The following KCNQ1OT1 variants were observed in gnomAD, a reference collection of about 807,000 sequenced individuals.
The protein encoded by KCNQ1OT1 is KCNQ1 antisense RNA 2 (non-protein coding).
Position 2,626,981 on chromosome 11 carries a change from G to T in KCNQ1OT1, n.73014C>A. 1 of 398,452 alleles carries T rather than the reference G, an allele frequency of 2.5e-6. No individual in the cohort carries two copies. Among genetic ancestry groups the T allele is most frequent in the South Asian group, 1.3e-4 (1 of 7,840 alleles). 24.7% of individuals were successfully genotyped at this position (398,452 alleles called of 1,614,324 possible). A position where few individuals can be genotyped will look rare whatever the true frequency, so the allele number is the denominator to read the frequency against. Reference sequence around the variant, plus strand: ...AATAACATCATTAGGATTTTTATTGGGATTACCTTGGATTTGTAGATTGTT... The same window carrying T: ...AATAACATCATTAGGATTTTTATTGTGATTACCTTGGATTTGTAGATTGTT... On this transcript the variant is annotated non_coding_transcript_exon_variant, in exon 1 of 1. Transcript: ENST00000597346. The surrounding 1 kb of genome is among the most constrained non-coding windows in gnomAD (Gnocchi z 4.0).
exon 1 of KCNQ1OT1, chr11:2,622,634 T>G (rs1042199272): frequency 3.0e-5 from 12 of 398,416 alleles, no homozygotes; most frequent in Non-Finnish European, 4.4e-5. Context: ...CCTTACTGCC[T>G]TTTTTTGTGT....
chr11:2,616,295 C>T, exon 1 of KCNQ1OT1: 1 of 395,802 alleles, frequency 2.5e-6, no homozygotes, highest in Non-Finnish European at 4.4e-6. Flanking sequence ...TTTTATTAGT[C>T]ATTCTAGTTA....
chr11:2,615,126 A>C (rs975675682), exon 1 of KCNQ1OT1: 3 of 398,094 alleles, frequency 7.5e-6, no homozygotes, highest in Admixed American at 8.8e-5. Flanking sequence ...GTTTTAATTT[A>C]TTCCTAGCTA....
In KCNQ1OT1 at chr11:2,641,830, A is replaced by C. The variant is rs1434104935; in HGVS notation, n.58165T>G. 7 of 398,286 alleles carry C rather than the reference A, an allele frequency of 1.8e-5. 1 individual carries two copies. The highest frequency in any genetic ancestry group is 2.5e-4 in the South Asian group (2 of 7,866). 24.7% of individuals were successfully genotyped at this position (398,286 alleles called of 1,614,324 possible). A position where few individuals can be genotyped will look rare whatever the true frequency, so the allele number is the denominator to read the frequency against. On this transcript the variant is annotated non_coding_transcript_exon_variant, in exon 1 of 1. Transcript: ENST00000597346. ...TGATTTTAGTATAGCAAGAGATAGA[A>C]ACGGTTTCATTTTTCACATGGATAT...
Position 2,687,634 on chromosome 11 carries a change from C to G in KCNQ1OT1, n.12361G>C. 1 of 398,670 alleles carries G rather than the reference C, an allele frequency of 2.5e-6. No individual in the cohort carries two copies. Among genetic ancestry groups the G allele is most frequent in the Non-Finnish European group, 4.4e-6 (1 of 226,130 alleles). The allele number at this position is 398,670 out of a possible 1,614,324, so 24.7% of individuals were successfully genotyped here. On this transcript the variant is annotated non_coding_transcript_exon_variant, in exon 1 of 1. Coordinates refer to ENST00000597346, the Ensembl canonical transcript of KCNQ1OT1. This position sits in a 1 kb window ranked among gnomAD's most constrained non-coding sequence, Gnocchi z 5.0. ...ATCCCTTCTCCATTCCTCTCAGGCC[C>G]CTGTAAAAATTGGGACCTGTCCTTG...
At chr11:2,693,605 G>A in exon 1 of KCNQ1OT1, 1 of 398,674 alleles carries the variant, frequency 2.5e-6, no homozygotes. Context: ...CATTTAAATT[G>A]CAAACAAGAG....
At chr11:2,644,360 T>C in exon 1 of KCNQ1OT1, 1 of 398,396 alleles carries the variant, frequency 2.5e-6, no homozygotes, top group East Asian at 3.6e-5. Flanking sequence ...TTGTGGTCTG[T>C]TATTGAAGCT....
chr11:2,616,389 C>T (rs1849064639), exon 1 of KCNQ1OT1: 4 of 397,728 alleles, frequency 1.0e-5, no homozygotes, highest in Admixed American at 4.4e-5. Flanking sequence ...AGCTCGAATT[C>T]AGTTTTATCT....
At chr11:2,697,318 G>A (rs1445969976) in exon 1 of KCNQ1OT1, 3 of 398,556 alleles carry the variant, frequency 7.5e-6, no homozygotes, top group Non-Finnish European at 1.3e-5. Context: ...TCTTTATGGA[G>A]ACCATCAACC....
exon 1 of KCNQ1OT1, chr11:2,638,396 C>T (rs536147737): frequency 6.6e-6 from 1 of 152,264 alleles, no homozygotes; most frequent in South Asian, 2.1e-4. Flanking sequence ...TCAGCATTTG[C>T]TTGTCTATAA....
chr11:2,687,469 G>C lies in KCNQ1OT1; in HGVS notation n.12526C>G. 2.5e-6 allele frequency: 1 copy of C among 398,802 alleles called. No homozygotes were observed. The allele number at this position is 398,802 out of a possible 1,614,324, so 24.7% of individuals were successfully genotyped here. On this transcript the variant is annotated non_coding_transcript_exon_variant, in exon 1 of 1. Transcript: ENST00000597346. The surrounding 1 kb of genome is among the most constrained non-coding windows in gnomAD (Gnocchi z 5.0). ...CCCTGCCTGCACAAGAGCTGCTGCA[G>C]CATTTCAATAGGGCCATCCCAGGCA... is the stretch of plus-strand genomic sequence containing the variant.
chr11:2,629,076 C>A, exon 1 of KCNQ1OT1: 1 of 397,944 alleles, frequency 2.5e-6, no homozygotes, highest in Non-Finnish European at 4.4e-6. Context: ...TCTTTAAGGT[C>A]TTTTGTAGTT....
chr11:2,678,770 C>T lies in KCNQ1OT1; in HGVS notation n.21225G>A, dbSNP rs1298315364. ...GCTGGGGTGTTTGGGACTGAGGCTT[C>T]ATCGTGGCAGCTAATAATGTCAGGG... On this transcript the variant is annotated non_coding_transcript_exon_variant, in exon 1 of 1. Coordinates refer to ENST00000597346, the Ensembl canonical transcript of KCNQ1OT1. The surrounding 1 kb of genome is among the most constrained non-coding windows in gnomAD (Gnocchi z 4.9). 2.5e-6 allele frequency: 1 copy of T among 398,480 alleles called. No individual in the cohort carries two copies. The highest frequency in any genetic ancestry group is 2.1e-5 in the African/African-American group (1 of 48,612). The allele number at this position is 398,480 out of a possible 1,614,324, so 24.7% of individuals were successfully genotyped here. A position where few individuals can be genotyped will look rare whatever the true frequency, so the allele number is the denominator to read the frequency against.
Position 2,653,075 on chromosome 11 carries a change from C to T in KCNQ1OT1, n.46920G>A, listed in dbSNP as rs1849782310. ...TTCCATAATTTGCATCAAACATCCT[C>T]ATACAGCAGGGTGTGGAGAGAGGCT... On this transcript the variant is annotated non_coding_transcript_exon_variant, in exon 1 of 1. Transcript: ENST00000597346. The surrounding 1 kb of genome is among the most constrained non-coding windows in gnomAD (Gnocchi z 5.3). 7.5e-6 allele frequency: 3 copies of T among 398,612 alleles called. No individual in the cohort carries two copies. The highest frequency in any genetic ancestry group is 2.1e-5 in the African/African-American group (1 of 48,644). 24.7% of individuals were successfully genotyped at this position (398,612 alleles called of 1,614,324 possible).
At position 2,671,413 on chromosome 11, in the gene KCNQ1OT1, G is replaced by A; in HGVS notation, n.28582C>T. ...ATGCCTCTCCCAGGGTACTCTGGAT[G>A]TGCACCCAGAGATTCTCCCACTTTA... On this transcript the variant is annotated non_coding_transcript_exon_variant, in exon 1 of 1. Transcript: ENST00000597346. This position sits in a 1 kb window ranked among gnomAD's most constrained non-coding sequence, Gnocchi z 4.7. The A allele has an allele frequency of 2.5e-6, 1 of 398,614 alleles. No homozygotes were observed. Among genetic ancestry groups the A allele is most frequent in the East Asian group, 3.6e-5 (1 of 28,072 alleles). 24.7% of individuals were successfully genotyped at this position (398,614 alleles called of 1,614,324 possible).
In KCNQ1OT1 at chr11:2,682,459, C is replaced by T. The variant is rs1850414276; in HGVS notation, n.17536G>A. ...ATCCATATGGAGCCTGTCACGGACCCTCAGTGAATGTTTGACGAGTGAGTG... is the reference window on the plus strand; with the variant it reads ...ATCCATATGGAGCCTGTCACGGACCTTCAGTGAATGTTTGACGAGTGAGTG... On this transcript the variant is annotated non_coding_transcript_exon_variant, in exon 1 of 1. Coordinates refer to ENST00000597346, the Ensembl canonical transcript of KCNQ1OT1. The surrounding 1 kb of genome is among the most constrained non-coding windows in gnomAD (Gnocchi z 5.8). 1 of 391,804 alleles carries T rather than the reference C, an allele frequency of 2.6e-6. No individual in the cohort carries two copies. Among genetic ancestry groups the T allele is most frequent in the Non-Finnish European group, 4.4e-6 (1 of 224,882 alleles). 24.3% of individuals were successfully genotyped at this position (391,804 alleles called of 1,614,324 possible).
exon 1 of KCNQ1OT1, chr11:2,615,750 T>TAA: frequency 2.5e-6 from 1 of 398,126 alleles, no homozygotes; most frequent in Non-Finnish European, 4.4e-6. Context: ...TCATGATATA[T>TAA]AATCCTTTTT....
exon 1 of KCNQ1OT1, chr11:2,633,946 C>T (rs1400010308): frequency 1.5e-5 from 6 of 398,564 alleles, no homozygotes; most frequent in African/African-American, 1.0e-4. Flanking sequence ...GGAAAATCCA[C>T]GTATAAATGA....
exon 1 of KCNQ1OT1, chr11:2,694,248 G>C (rs1350386065): frequency 2.5e-6 from 1 of 398,570 alleles, no homozygotes; most frequent in African/African-American, 2.1e-5. Context: ...GCAAGCCAGG[G>C]CCTGCTGCCT....
Sources: allele counts gnomAD v4.1 joint callset, GRCh38; gene constraint gnomAD v4.1.1; non-coding constraint Gnocchi (gnomAD v3.1); transcripts MANE v1.5; gene names NCBI Gene and HGNC (gene_info 2026-07-23, HGNC 2026-07-21).